GAS7: variants seen among roughly 807,000 people sequenced by gnomAD.
GAS7 encodes growth arrest specific 7, also known as growth arrest-specific protein 7.
A neutral mutation model predicts 71.1 loss-of-function variants in GAS7; 28 were observed. The ratio of observed to expected loss-of-function variants is 0.39; its 90% CI spans 0.29 to 0.54. The LOEUF is 0.54. GAS7 is among the 20% of genes least tolerant of loss of function. The pLI is 0.62. For missense variants in GAS7, 436 were observed against 627.8 expected (o/e 0.69, Z 3.27); for synonymous variants, 258 against 245.8 (o/e 1.05, Z -0.46).
intron 5 of GAS7, among the ~76,000 whole-genome samples, chr17:9,953,912 C>CT (rs1304963311): frequency 6.6e-6 from 1 of 152,164 alleles, no homozygotes; most frequent in Non-Finnish European, 1.5e-5. Context: ...TGGCCGGAGG[C>CT]TAGGAATGTA....
intron 1 of GAS7, among the ~76,000 whole-genome samples, chr17:10,154,484 A>G (rs539629678): frequency 6.6e-6 from 1 of 152,010 alleles, no homozygotes; most frequent in Non-Finnish European, 1.5e-5. Flanking sequence ...AGCTTAGATG[A>G]CAGGGTGAGG....
At position 9,959,360 on chromosome 17, in the gene GAS7, G is replaced by A; in HGVS notation, c.472-105C>T. ...GTGGAGGCGCTGGGGAATCAGGGAT[G>A]CTCAGTCTGAATCCTAAGTCACCAT... On this transcript the variant is annotated intron_variant, in intron 4 of 13. Transcript: ENST00000432992. The surrounding 1 kb of genome is among the most constrained non-coding windows in gnomAD (Gnocchi z 5.0). The A allele has an allele frequency of 2.5e-6, 4 of 1,569,446 alleles. No individual in the cohort carries two copies. Among genetic ancestry groups the A allele is most frequent in the Non-Finnish European group, 3.5e-6 (4 of 1,156,106 alleles).
At chr17:10,075,800 T>TAAAA (rs79319593) in intron 1 of GAS7, among the ~76,000 whole-genome samples, 4 of 131,118 alleles carry the variant, frequency 3.1e-5, no homozygotes, top group Non-Finnish European at 6.6e-5. Flanking sequence ...ATCTCAGTTT[T>TAAAA]AAAAAAAAAA....
intron 1 of GAS7, among the ~76,000 whole-genome samples, chr17:10,108,676 C>T (rs2073782334): frequency 6.6e-6 from 1 of 152,094 alleles, no homozygotes; most frequent in Non-Finnish European, 1.5e-5. Flanking sequence ...AGAAATAAAT[C>T]CATGTATTTA....
chr17:10,044,175 C>T (rs2072913133), intron 1 of GAS7, among the ~76,000 whole-genome samples: 1 of 152,148 alleles, frequency 6.6e-6, no homozygotes, highest in African/African-American at 2.4e-5. Flanking sequence ...TCTATGGGTC[C>T]CATGGTGTTA....
intron 1 of GAS7, among the ~76,000 whole-genome samples, chr17:10,161,891 C>G (rs1342872976): frequency 1.3e-5 from 2 of 152,008 alleles, no homozygotes; most frequent in Admixed American, 6.6e-5. Context: ...GGTGAAACCC[C>G]GTCTCTACTA....
rs145979040 is a variant in GAS7, at chr17:9,918,025, A to G, written c.1293T>C (p.His431=). The G allele has an allele frequency of 3.1e-6, 5 of 1,613,446 alleles. No individual in the cohort carries two copies. Among genetic ancestry groups the G allele is most frequent in the Non-Finnish European group, 4.2e-6 (5 of 1,179,538 alleles). The change falls in exon 13 of 14, where the codon CAT becomes CAC. Residue 431 remains histidine (H), a synonymous_variant. Coordinates refer to ENST00000432992, the MANE Select transcript of GAS7 (RefSeq NM_201433.2). ...QHLCQYTQLR[H]ETDMFNQSTV... ...CGCTTTGGTTGAACATGTCTGTTTCATGCCGCAGCTGCGTGTACTGGCACA... is the reference window on the plus strand; with the variant it reads ...CGCTTTGGTTGAACATGTCTGTTTCGTGCCGCAGCTGCGTGTACTGGCACA...
chr17:10,087,518 C>A lies in GAS7; in HGVS notation c.184-67621G>T, dbSNP rs548643928. On this transcript the variant is annotated intron_variant, in intron 1 of 13. Coordinates refer to ENST00000432992, the MANE Select transcript of GAS7 (RefSeq NM_201433.2). ...AGTCAATAAAGGTTCACTGAGTTCA[C>A]TGATGAATGAAGAAAGGAAGGAAGG... Among the ~76,000 whole-genome samples, 9 of 152,306 alleles carry A rather than the reference C, an allele frequency of 5.9e-5. No homozygotes were observed. In the South Asian group the frequency reaches 6.2e-4, roughly 11 times the overall value.
intron 1 of GAS7, among the ~76,000 whole-genome samples, chr17:10,041,850 C>T (rs1160405025): frequency 6.6e-6 from 1 of 152,130 alleles, no homozygotes; most frequent in East Asian, 1.9e-4. Context: ...GATATTTCCA[C>T]CAACCTGAGT....
chr17:10,140,860 C>T (rs1376784036), intron 1 of GAS7, among the ~76,000 whole-genome samples: 1 of 152,222 alleles, frequency 6.6e-6, no homozygotes, highest in African/African-American at 2.4e-5. Context: ...AAAAGAGTCA[C>T]TTGTATGTGC....
intron 1 of GAS7, among the ~76,000 whole-genome samples, chr17:10,168,211 C>G (rs1337474064): frequency 6.6e-6 from 1 of 152,058 alleles, no homozygotes; most frequent in Non-Finnish European, 1.5e-5. Context: ...GAATACCACA[C>G]AGTTTTTATA....
intron 1 of GAS7, among the ~76,000 whole-genome samples, chr17:10,051,772 A>C (rs908618430): frequency 1.3e-5 from 2 of 152,194 alleles, no homozygotes; most frequent in African/African-American, 4.8e-5. Context: ...GCACTCCAAG[A>C]AAATTTCGTA....
chr17:10,027,135 CAAAGA>C (rs975980645), intron 1 of GAS7: 1 of 152,176 alleles, frequency 6.6e-6, no homozygotes, highest in African/African-American at 2.4e-5. Context: ...GCCATATCAA[CAAAGA>C]AACAGACTAT....
At chr17:10,044,265 A>G (rs573692221) in intron 1 of GAS7, among the ~76,000 whole-genome samples, 8 of 152,300 alleles carry the variant, frequency 5.3e-5, no homozygotes, top group Admixed American at 5.2e-4. Flanking sequence ...GCGATACCCA[A>G]TTTACTGGAG....
rs529062407 is a variant in GAS7, at chr17:10,120,122, TC to T, written c.183+78085del. Among the ~76,000 whole-genome samples, 20 of 35,232 alleles carry T rather than the reference TC, an allele frequency of 5.7e-4. No homozygotes were observed. In the South Asian group the frequency reaches 0.014, roughly 25 times the overall value. 23.1% of individuals were successfully genotyped at this position (35,232 alleles called of 152,430 possible). A position where few individuals can be genotyped will look rare whatever the true frequency, so the allele number is the denominator to read the frequency against. ...TCCCCCTGCCCCCGCCCCGTGACAATCCCCCCCCAGCTCTGGACCCGCCCAT... is the reference window on the plus strand; with the variant it reads ...TCCCCCTGCCCCCGCCCCGTGACAATCCCCCCCAGCTCTGGACCCGCCCAT... On this transcript the variant is annotated intron_variant, in intron 1 of 13. Coordinates refer to ENST00000432992, the MANE Select transcript of GAS7 (RefSeq NM_201433.2).
At chr17:10,091,231 T>A (rs1447419684) in intron 1 of GAS7, among the ~76,000 whole-genome samples, 1 of 152,080 alleles carries the variant, frequency 6.6e-6, no homozygotes, top group Non-Finnish European at 1.5e-5. Context: ...TGGGTGGTTG[T>A]CAGGGGCTGA....
At chr17:9,938,341 T>C (rs752410004) in intron 8 of GAS7, among the ~76,000 whole-genome samples, 9 of 151,706 alleles carry the variant, frequency 5.9e-5, no homozygotes, top group Non-Finnish European at 1.3e-4. Context: ...ACCCCGTCTC[T>C]ACTAAAAATA....
At chr17:10,016,620 A>AAAAACAAAACAAAAAAAAAAAAAC (rs2072025357) in intron 2 of GAS7, among the ~76,000 whole-genome samples, 28 of 131,676 alleles carry the variant, frequency 2.1e-4, no homozygotes, top group African/African-American at 7.9e-4. Context: ...AAAAAAAAAA[A>AAAAACAAAACAAAAAAAAAAAAAC]AAAACAAAAC....
intron 2 of GAS7, among the ~76,000 whole-genome samples, chr17:10,002,292 T>C (rs899225251): frequency 5.9e-5 from 9 of 152,208 alleles, no homozygotes; most frequent in African/African-American, 2.2e-4. Context: ...GCTTTCTCCC[T>C]GTGCCTTCGC....
Sources: allele counts gnomAD v4.1 joint callset (sites outside exome capture counted in the v4.1 genomes callset), GRCh38; gene constraint gnomAD v4.1.1; non-coding constraint Gnocchi (gnomAD v3.1); transcripts MANE v1.5; gene names NCBI Gene and HGNC (gene_info 2026-07-23, HGNC 2026-07-21).